VAV3: variants seen among roughly 807,000 people sequenced by gnomAD.
VAV3 encodes vav guanine nucleotide exchange factor 3.
A neutral mutation model predicts 131.2 loss-of-function variants in VAV3; 94 were observed. The ratio of observed to expected loss-of-function variants is 0.72; its 90% CI spans 0.61 to 0.85. The LOEUF (loss-of-function observed/expected upper bound fraction) is 0.85. VAV3 is among the 40% of genes least tolerant of loss of function. The pLI is 0.00. For missense variants in VAV3, 939 were observed against 1,002.7 expected, an observed-to-expected ratio of 0.94 and a Z score of 0.86; for synonymous variants, 349 against 342.0, an observed-to-expected ratio of 1.02 and a Z score of -0.22.
intron 3 of VAV3, among the ~76,000 whole-genome samples, chr1:107,778,566 G>A (rs1229500037): frequency 6.6e-6 from 1 of 152,152 alleles, no homozygotes; most frequent in Non-Finnish European, 1.5e-5. Context: ...TGTACCAGCA[G>A]GGCATTTTTC....
chr1:107,957,447 C>T (rs1052371577), intron 1 of VAV3, among the ~76,000 whole-genome samples: 1 of 152,066 alleles, frequency 6.6e-6, no homozygotes, highest in Non-Finnish European at 1.5e-5. Context: ...TATGGAGCCA[C>T]TGTAATTATA....
chr1:107,930,436 CT>C (rs990000398), intron 1 of VAV3, among the ~76,000 whole-genome samples: 1 of 152,100 alleles, frequency 6.6e-6, no homozygotes, highest in Non-Finnish European at 1.5e-5. Context: ...AAGTCTGCCC[CT>C]CCCCTCCAAA....
intron 14 of VAV3, 35 bp from the exon 15 acceptor site, chr1:107,749,112 TC>T: frequency 7.3e-7 from 1 of 1,369,192 alleles, no homozygotes; most frequent in Non-Finnish European, 1.0e-6. Flanking sequence ...TTAATATGTA[TC>T]ATTAATAACA....
Position 107,575,000 on chromosome 1 carries a change from TGCGC to T in VAV3, c.2351-806_2351-803del, listed in dbSNP as rs1219875000. ...GTGTGTGTGTGTGTGTGTGCGTGCG[TGCGC>T]GCGCGCGCGCGCACACGCGCGCGTG... On this transcript the variant is annotated intron_variant, in intron 25 of 26. Transcript: ENST00000370056. 5.4e-3 allele frequency among the ~76,000 whole-genome samples: 565 copies of T among 103,910 alleles called. 6 individuals carry two copies. Among genetic ancestry groups the T allele is most frequent in the East Asian group, 0.02 (57 of 2,890 alleles). The allele number at this position is 103,910 out of a possible 152,430, so 68.2% of individuals were successfully genotyped here.
At chr1:107,585,360 G>T (rs376858844) in intron 25 of VAV3, among the ~76,000 whole-genome samples, 16 of 151,798 alleles carry the variant, frequency 1.1e-4, no homozygotes, top group Admixed American at 3.3e-4. Context: ...TATTTTCATG[G>T]TTTTTTTTAT....
At chr1:107,669,682 G>GT (rs1287523480) in intron 19 of VAV3, among the ~76,000 whole-genome samples, 2 of 151,788 alleles carry the variant, frequency 1.3e-5, no homozygotes, top group Non-Finnish European at 2.9e-5. Flanking sequence ...GTTTACATTA[G>GT]TTTTTTCTTT....
intron 22 of VAV3, 33 bp downstream of exon 22, chr1:107,609,898 C>T: frequency 1.2e-6 from 2 of 1,607,572 alleles, no homozygotes; most frequent in African/African-American, 1.3e-5. Flanking sequence ...TATGGTATTT[C>T]AACCTAGCTA....
chr1:107,814,750 T>C (rs1259914958), intron 2 of VAV3, among the ~76,000 whole-genome samples: 1 of 152,198 alleles, frequency 6.6e-6, no homozygotes, highest in Non-Finnish European at 1.5e-5. Context: ...TTTTGAGCAA[T>C]GCAGAGGTAT....
chr1:107,703,148 C>G (rs554066400), intron 17 of VAV3, among the ~76,000 whole-genome samples: 1 of 152,110 alleles, frequency 6.6e-6, no homozygotes, highest in East Asian at 1.9e-4. Context: ...CATTAGCCTA[C>G]TATGAGCAAA....
At chr1:107,687,105 A>G (rs1468426573) in intron 18 of VAV3, among the ~76,000 whole-genome samples, 2 of 152,148 alleles carry the variant, frequency 1.3e-5, no homozygotes, top group South Asian at 2.1e-4. Context: ...TTACCTGTCA[A>G]TGAAACACTA....
chr1:107,826,700 A>G lies in VAV3; in HGVS notation c.322-47208T>C, dbSNP rs796260307. On this transcript the variant is annotated intron_variant, in intron 2 of 26. Coordinates refer to ENST00000370056, the MANE Select transcript of VAV3 (RefSeq NM_006113.5). Reference sequence around the variant, plus strand: ...AACAGACAGGTCAACTGATCATTACAGCCAAAGTGCTCTCACAAAAGGCCC... The same window carrying G: ...AACAGACAGGTCAACTGATCATTACGGCCAAAGTGCTCTCACAAAAGGCCC... 5.9e-5 allele frequency among the ~76,000 whole-genome samples: 9 copies of G among 152,298 alleles called. 1 individual carries two copies. Among genetic ancestry groups the G allele is most frequent in the African/African-American group, 2.2e-4 (9 of 41,576 alleles).
chr1:107,705,285 C>G (rs1046652343), intron 15 of VAV3, among the ~76,000 whole-genome samples: 2 of 151,492 alleles, frequency 1.3e-5, no homozygotes, highest in Non-Finnish European at 2.9e-5. Flanking sequence ...GACATAGCAA[C>G]CTAATCCTCC....
chr1:107,813,174 T>C (rs1444230842), intron 2 of VAV3, among the ~76,000 whole-genome samples: 3 of 149,994 alleles, frequency 2.0e-5, no homozygotes, highest in Non-Finnish European at 4.4e-5. Flanking sequence ...TAATAAGCTA[T>C]GAAATGCATA....
intron 20 of VAV3, among the ~76,000 whole-genome samples, chr1:107,622,301 G>C (rs1653667303): frequency 6.6e-6 from 1 of 152,102 alleles, no homozygotes; most frequent in African/African-American, 2.4e-5. Context: ...CAGGTTTGCT[G>C]GTAGAAATGA....
chr1:107,813,967 A>AGTGTGTGTGTGTGTGT lies in VAV3; in HGVS notation c.322-34491_322-34476dup, dbSNP rs58318688. Among the ~76,000 whole-genome samples, 124 of 135,860 alleles carry AGTGTGTGTGTGTGTGT rather than the reference A, an allele frequency of 9.1e-4. 1 individual carries two copies. Among genetic ancestry groups the AGTGTGTGTGTGTGTGT allele is most frequent in the African/African-American group, 1.8e-3 (63 of 35,622 alleles). 89.1% of individuals were successfully genotyped at this position (135,860 alleles called of 152,430 possible). ...CTTTTGTATGGCTAAATAGTACTCC[A>AGTGTGTGTGTGTGTGT]GTGTGTGTGTGTGTGTGTGTGTGTG... On this transcript the variant is annotated intron_variant, in intron 2 of 26. Transcript: ENST00000370056.
chr1:107,832,542 T>C (rs561258729), intron 2 of VAV3, among the ~76,000 whole-genome samples: 37 of 152,360 alleles, frequency 2.4e-4, no homozygotes, highest in African/African-American at 6.7e-4. Context: ...TTCATTTCTA[T>C]CTGAGTCTTT....
chr1:107,958,257 C>G (rs1250365772), intron 1 of VAV3, among the ~76,000 whole-genome samples: 3 of 152,192 alleles, frequency 2.0e-5, no homozygotes, highest in African/African-American at 7.2e-5. Flanking sequence ...CTTCCTCCTT[C>G]CCTTTTGTAT....
chr1:107,800,539 A>G (rs1390199166), intron 2 of VAV3, among the ~76,000 whole-genome samples: 1 of 152,056 alleles, frequency 6.6e-6, no homozygotes, highest in Admixed American at 6.6e-5. Context: ...TGTAATTTCA[A>G]CTCATATTTT....
intron 15 of VAV3, among the ~76,000 whole-genome samples, chr1:107,739,446 C>T (rs975887077): frequency 6.6e-6 from 1 of 152,054 alleles, no homozygotes; most frequent in Non-Finnish European, 1.5e-5. Context: ...ATAGACAATA[C>T]ATTAGATTCA....
Sources: gnomAD v4.1 joint callset for allele counts (sites outside exome capture counted in the v4.1 genomes callset) on GRCh38, gnomAD v4.1.1 for gene constraint, MANE v1.5 for transcripts, NCBI Gene and HGNC (gene_info 2026-07-23, HGNC 2026-07-21) for gene names.